Variants in RB1 observed in about 807,000 individuals in gnomAD.
RB1 encodes the protein RB transcriptional corepressor 1.
Under a neutral mutation model 135.4 loss-of-function variants are expected in RB1, and 18 were observed. That is an observed-to-expected ratio of 0.13 (90% CI 0.09 to 0.20). The LOEUF (loss-of-function observed/expected upper bound fraction) is 0.20, where lower values mean the gene tolerates loss of function less well. Among genes scored for constraint, RB1 ranks in the 10% least tolerant of loss-of-function variants. The pLI is 1.00. For synonymous variants in RB1, 365 were observed against 373.2 expected (o/e 0.98, Z 0.25); for missense variants, 868 against 1,110.0 (o/e 0.78, Z 3.10).
rs766131342 is a variant in RB1, at chr13:48,360,094, C to T, written c.685C>T (p.Leu229Phe). 1.2e-5 allele frequency: 20 copies of T among 1,612,328 alleles called. No individual in the cohort carries two copies. The highest frequency in any genetic ancestry group is 8.9e-5 in the East Asian group (4 of 44,730). The change falls in exon 7 of 27, where the codon CTC (leucine) becomes TTC (phenylalanine). Residue 229 changes from leucine to phenylalanine, a missense_variant. Around this residue, in one of 3 missense-constraint regions of RB1, gnomAD observed 641 missense variants for 791.3 expected, o/e 0.81. Coordinates refer to ENST00000267163, the MANE Select transcript of RB1 (RefSeq NM_000321.3). ...MLCVLDYFIK[L>F]SPPMLLKEPY... ...ATGTGTCCTTGACTATTTTATTAAA[C>T]TCTCACCTCCCATGTTGCTCAAAGA...
chr13:48,364,386 G>C (rs1331604574), intron 8 of RB1, among the ~76,000 whole-genome samples: 11 of 152,078 alleles, frequency 7.2e-5, no homozygotes, highest in Non-Finnish European at 1.6e-4. Flanking sequence ...GACGATTTTT[G>C]TTAACAGATG....
chr13:48,413,921 T>A (rs1358847377), intron 17 of RB1, among the ~76,000 whole-genome samples: 1 of 152,210 alleles, frequency 6.6e-6, no homozygotes, highest in Non-Finnish European at 1.5e-5. Context: ...GTTCATAGTC[T>A]TATCTTCCTT....
chr13:48,316,537 T>C (rs1952184706), intron 2 of RB1, among the ~76,000 whole-genome samples: 1 of 152,100 alleles, frequency 6.6e-6, no homozygotes. Flanking sequence ...CCCTACAAAA[T>C]TGAACAACAG....
intron 13 of RB1, among the ~76,000 whole-genome samples, chr13:48,378,675 G>T (rs1177875924): frequency 6.6e-6 from 1 of 151,328 alleles, no homozygotes; most frequent in Non-Finnish European, 1.5e-5. Context: ...TCATTATTAA[G>T]TATTATGTAC....
chr13:48,325,344 A>C (rs1192848035), intron 2 of RB1, among the ~76,000 whole-genome samples: 1 of 152,136 alleles, frequency 6.6e-6, no homozygotes, highest in East Asian at 1.9e-4. Context: ...AGAAATGACC[A>C]TTGATAGTTT....
chr13:48,414,748 G>C (rs1222776833), intron 17 of RB1, among the ~76,000 whole-genome samples: 3 of 152,028 alleles, frequency 2.0e-5, no homozygotes, highest in Admixed American at 1.3e-4. Context: ...TATTTCTACT[G>C]TCTGGACTAG....
intron 2 of RB1, chr13:48,320,073 A>G: frequency 1.7e-6 from 1 of 575,078 alleles, no homozygotes; most frequent in Non-Finnish European, 3.1e-6. Context: ...GCCTTTAGGT[A>G]CTCCCGGATG....
At chr13:48,399,416 A>C (rs1284687527) in intron 17 of RB1, among the ~76,000 whole-genome samples, 1 of 152,088 alleles carries the variant, frequency 6.6e-6, no homozygotes, top group Non-Finnish European at 1.5e-5. Flanking sequence ...AAGATAGATA[A>C]GCAGAAAGAA....
At chr13:48,402,702 G>C (rs567853961) in intron 17 of RB1, among the ~76,000 whole-genome samples, 3 of 151,920 alleles carry the variant, frequency 2.0e-5, no homozygotes, top group African/African-American at 4.8e-5. Context: ...TGTGTCCTTT[G>C]CTTTATTTTT....
intron 17 of RB1, among the ~76,000 whole-genome samples, chr13:48,416,980 G>A (rs1240694863): frequency 6.6e-6 from 1 of 152,186 alleles, no homozygotes; most frequent in Non-Finnish European, 1.5e-5. Flanking sequence ...AGGGTGCTAT[G>A]GGTGGCTATT....
rs1444353743 is a variant in RB1, at chr13:48,303,974, C to T, written c.62C>T (p.Pro21Leu). Residue 21 changes from proline (P) to leucine (L), a missense_variant, in exon 1 of 27, where the codon CCG becomes CTG. Transcript: ENST00000267163. ...ATAAAAAAEP[P>L]APPPPPPPEE... ...GCCGCCGCTGCCGCCGCGGAACCCCCGGCACCGCCGCCGCCGCCCCCTCCT... is the reference window on the plus strand; with the variant it reads ...GCCGCCGCTGCCGCCGCGGAACCCCTGGCACCGCCGCCGCCGCCCCCTCCT... 6.0e-6 allele frequency: 9 copies of T among 1,502,712 alleles called. No homozygotes were observed. Among genetic ancestry groups the T allele is most frequent in the Middle Eastern group, 2.3e-4 (1 of 4,312 alleles). 93.1% of individuals were successfully genotyped at this position (1,502,712 alleles called of 1,614,324 possible).
At chr13:48,476,609 AT>A in intron 24 of RB1, 91 bp from the exon 25 acceptor site, 1 of 1,367,778 alleles carries the variant, frequency 7.3e-7, no homozygotes, top group Non-Finnish European at 1.0e-6. Flanking sequence ...CCTTTGCCTG[AT>A]TTTTGACACA....
rs1173461039 is a variant in RB1 at position 48,341,079 on chromosome 13, C to T, written c.265-1520C>T. 2.0e-5 allele frequency: 3 copies of T among 152,116 alleles called. No homozygotes were observed. In the East Asian group the frequency reaches 5.8e-4, roughly 29 times the overall value. 9.4% of individuals were successfully genotyped at this position (152,116 alleles called of 1,614,324 possible). ...TTTCATTCCCCTTTGCAGTCATTTC[C>T]CAACACCTCCCCTCTGTTCCGCAGG... On this transcript the variant is annotated intron_variant, in intron 2 of 26. Transcript: ENST00000267163.
At chr13:48,309,425 C>T (rs551165842) in intron 2 of RB1, among the ~76,000 whole-genome samples, 22 of 152,048 alleles carry the variant, frequency 1.4e-4, no homozygotes, top group Non-Finnish European at 3.2e-4. Context: ...TCATGATTTC[C>T]AAAGAATTGA....
chr13:48,477,110 T>C (rs1345574986), intron 25 of RB1, among the ~76,000 whole-genome samples: 1 of 152,224 alleles, frequency 6.6e-6, no homozygotes, highest in East Asian at 1.9e-4. Flanking sequence ...TAACATTAAA[T>C]TTAAAAATGT....
intron 11 of RB1, among the ~76,000 whole-genome samples, chr13:48,368,989 A>G (rs1385371348): frequency 6.6e-6 from 1 of 152,036 alleles, no homozygotes; most frequent in African/African-American, 2.4e-5. Flanking sequence ...CTGGGTGACA[A>G]GAGCGAAACT....
Position 48,412,449 on chromosome 13 carries a change from T to A in RB1, c.1695+31006T>A, listed in dbSNP as rs910106971. On this transcript the variant is annotated intron_variant, in intron 17 of 26. Transcript: ENST00000267163. Reference sequence around the variant, plus strand: ...CGTAAAGGCACGTCCAATTTTCAGTTTGGAAGCACTTTCATCAGCTGCAGT... The same window carrying A: ...CGTAAAGGCACGTCCAATTTTCAGTATGGAAGCACTTTCATCAGCTGCAGT... 2.0e-6 allele frequency: 3 copies of A among 1,524,292 alleles called. No individual in the cohort carries two copies. The African/African-American group carries it at 4.1e-5, about 21-fold the overall frequency. The allele number at this position is 1,524,292 out of a possible 1,614,324, so 94.4% of individuals were successfully genotyped here. A position where few individuals can be genotyped will look rare whatever the true frequency, so the allele number is the denominator to read the frequency against.
chr13:48,411,585 G>A (rs773911743), intron 17 of RB1: 20 of 1,612,972 alleles, frequency 1.2e-5, no homozygotes, highest in Non-Finnish European at 1.6e-5. Flanking sequence ...GTTGGAAACA[G>A]CAATACAGAG....
At position 48,407,846 on chromosome 13, in the gene RB1, A is replaced by G. The variant is rs185768273; in HGVS notation, c.1695+26403A>G. Among the ~76,000 whole-genome samples the G allele has an allele frequency of 2.7e-3, 405 of 152,334 alleles. 1 individual carries two copies. The highest frequency in any genetic ancestry group is 3.8e-3 in the Non-Finnish European group (257 of 68,002). On this transcript the variant is annotated intron_variant, in intron 17 of 26. Coordinates refer to ENST00000267163, the MANE Select transcript of RB1 (RefSeq NM_000321.3). ...TAAAATTGTTTCTACACAAAAATTT[A>G]TTCACAACTAAGAACATTTGTGACA... is the stretch of plus-strand genomic sequence containing the variant.
Sources: gnomAD v4.1 joint callset for allele counts (sites outside exome capture counted in the v4.1 genomes callset) on GRCh38, gnomAD v4.1.1 for gene constraint, gnomAD v4.1.1 regional missense constraint, MANE v1.5 for transcripts, NCBI Gene and HGNC (gene_info 2026-07-23, HGNC 2026-07-21) for gene names.